SGK1: variants seen among roughly 807,000 people sequenced by gnomAD.
The protein encoded by SGK1 is serine/threonine-protein kinase Sgk1.
SGK1 carries 26 observed loss-of-function variants against 64.2 expected under a neutral mutation model. The ratio of observed to expected loss-of-function variants is 0.40; its 90% CI spans 0.30 to 0.56. The LOEUF (loss-of-function observed/expected upper bound fraction) is 0.56. Among genes scored for constraint, SGK1 ranks in the 20% least tolerant of loss-of-function variants. SGK1 has a pLI of 0.38. For missense variants in SGK1, 519 were observed against 645.6 expected (o/e 0.80, Z 2.12); for synonymous variants, 265 against 239.7 (o/e 1.11, Z -0.98).
At position 134,303,385 on chromosome 6, in the gene SGK1, C is replaced by G. The variant is rs1007996410; in HGVS notation, c.69+14007G>C. ...CCAGCCTGGGTGACAGAGCAAGACT[C>G]TGTCTCAAAAAGAAAAAAGAAAAAA... is the stretch of plus-strand genomic sequence containing the variant. On this transcript the variant is annotated intron_variant, in intron 1 of 13. Coordinates refer to ENST00000367858, the MANE Select transcript of SGK1 (RefSeq NM_001143676.3). 2.0e-5 allele frequency among the ~76,000 whole-genome samples: 3 copies of G among 151,772 alleles called. No individual in the cohort carries two copies. In the South Asian group the frequency reaches 6.2e-4, roughly 32 times the overall value.
At chr6:134,299,304 G>A (rs1044587623) in intron 1 of SGK1, among the ~76,000 whole-genome samples, 2 of 152,044 alleles carry the variant, frequency 1.3e-5, no homozygotes, top group African/African-American at 4.8e-5. Flanking sequence ...GGTCGAGGAT[G>A]CAGTGAGCTG....
At chr6:134,265,743 ACT>A (rs1378407488) in intron 1 of SGK1, among the ~76,000 whole-genome samples, 1 of 148,900 alleles carries the variant, frequency 6.7e-6, no homozygotes, top group Non-Finnish European at 1.5e-5. Context: ...TGTTTTTACA[ACT>A]CTTCGTACTT....
intron 3 of SGK1, among the ~76,000 whole-genome samples, chr6:134,196,412 G>C (rs1041163722): frequency 2.0e-5 from 3 of 152,040 alleles, no homozygotes; most frequent in Non-Finnish European, 4.4e-5. Context: ...CTGGGCAACA[G>C]AGTGAGACTC....
rs777230779 is a variant in SGK1, at chr6:134,177,806, G to C, written c.362-3220C>G. On this transcript the variant is annotated intron_variant, in intron 3 of 13. Coordinates refer to ENST00000367858, the MANE Select transcript of SGK1 (RefSeq NM_001143676.3). ...CCTGCTACATGCCTCTGATAAGCTG[G>C]AACTCTGAGATGACATGAGAGCACG... The C allele has an allele frequency of 7.4e-6, 12 of 1,613,176 alleles. No individual in the cohort carries two copies. The East Asian group carries it at 1.8e-4, about 24-fold the overall frequency.
At chr6:134,232,425 A>AAGAGAGAGAGAGAGAGAGAGAG (rs71003683) in intron 2 of SGK1, among the ~76,000 whole-genome samples, 1 of 41,976 alleles carries the variant, frequency 2.4e-5, no homozygotes, top group African/African-American at 9.1e-5. Flanking sequence ...GAAAGAAAGA[A>AAGAGAGAGAGAGAGAGAGAGAG]AGAAAGAAAG....
chr6:134,178,217 C>T (rs146295930), intron 3 of SGK1, among the ~76,000 whole-genome samples: 1 of 152,170 alleles, frequency 6.6e-6, no homozygotes, highest in African/African-American at 2.4e-5. Flanking sequence ...TGATGTGCTC[C>T]TTCCTCCCCT....
At chr6:134,183,843 T>TCCCCA (rs1302300486) in intron 3 of SGK1, among the ~76,000 whole-genome samples, 9 of 137,370 alleles carry the variant, frequency 6.6e-5, no homozygotes, top group African/African-American at 2.1e-4. Context: ...GAAGAACCTG[T>TCCCCA]CCCCACCCCA....
intron 2 of SGK1, among the ~76,000 whole-genome samples, chr6:134,252,616 C>CAA (rs11418007): frequency 0.12 from 7,995 of 65,308 alleles, 1,845 homozygotes; most frequent in Admixed American, 0.2. Context: ...GATTCCACCT[C>CAA]AAAAAAAAAA....
rs1230383960 is a variant in SGK1 at position 134,232,414 on chromosome 6, AGAAAGAAAG to A, written c.286-24992_286-24984del. Among the ~76,000 whole-genome samples the A allele has an allele frequency of 3.5e-4, 24 of 68,774 alleles. 1 individual carries two copies. Among genetic ancestry groups the A allele is most frequent in the East Asian group, 2.7e-3 (9 of 3,372 alleles). 45.1% of individuals were successfully genotyped at this position (68,774 alleles called of 152,430 possible). A position where few individuals can be genotyped will look rare whatever the true frequency, so the allele number is the denominator to read the frequency against. ...AAAGAAAGAAGAAAAAGAAAGAAAGAGAAAGAAAGAAAGAAAGAAAGAAAGAAAGAAAGA... is the reference window on the plus strand; with the variant it reads ...AAAGAAAGAAGAAAAAGAAAGAAAGAAAAGAAAGAAAGAAAGAAAGAAAGA... On this transcript the variant is annotated intron_variant, in intron 2 of 13. Transcript: ENST00000367858.
At chr6:134,294,557 T>C (rs1354555451) in intron 1 of SGK1, among the ~76,000 whole-genome samples, 1 of 152,210 alleles carries the variant, frequency 6.6e-6, no homozygotes, top group Non-Finnish European at 1.5e-5. Context: ...ATTTTTGAAA[T>C]GGAGGCTCAC....
At chr6:134,209,823 T>G (rs796373261) in intron 2 of SGK1, among the ~76,000 whole-genome samples, 5 of 152,304 alleles carry the variant, frequency 3.3e-5, no homozygotes, top group African/African-American at 1.2e-4. Context: ...ATTACAGACG[T>G]GCTCCACCAC....
chr6:134,208,752 A>C (rs551542748), intron 2 of SGK1, among the ~76,000 whole-genome samples: 17,236 of 107,328 alleles, frequency 0.16, 1,171 homozygotes, highest in African/African-American at 0.2. Context: ...ATGCGTATAT[A>C]TATATATACA....
intron 10 of SGK1, 70 bp from the exon 11 acceptor site, chr6:134,171,802 G>A (rs774055782): frequency 3.0e-5 from 31 of 1,018,932 alleles, no homozygotes; most frequent in Non-Finnish European, 4.5e-5. Context: ...CACACATTTA[G>A]TTTGAAAAAG....
At chr6:134,288,453 T>G (rs1777217322) in intron 1 of SGK1, among the ~76,000 whole-genome samples, 2 of 152,202 alleles carry the variant, frequency 1.3e-5, no homozygotes, top group South Asian at 4.1e-4. Context: ...TGTTTAAAAC[T>G]AAACATCTTT....
At chr6:134,171,358 T>G (rs9493846) in intron 11 of SGK1, 180 bp from the exon 12 acceptor site, 73 of 623,308 alleles carry the variant, frequency 1.2e-4, no homozygotes, top group East Asian at 4.2e-4. Flanking sequence ...GTGTGTGTGT[T>G]TGTGTGTGTG....
intron 1 of SGK1, among the ~76,000 whole-genome samples, chr6:134,282,038 T>C (rs1192502260): frequency 6.6e-6 from 1 of 152,278 alleles, no homozygotes; most frequent in African/African-American, 2.4e-5. Flanking sequence ...AAATGTATAA[T>C]CCATTCTCTG....
chr6:134,317,766 G>A lies in SGK1; in HGVS notation c.-306C>T. ...TACGGCCAATCTCCGGGGAGATGCT[G>A]TGGCTCTTACCGAGCGGGAGAAGGG... On this transcript the variant is annotated 5_prime_UTR_variant, in exon 1 of 14. Coordinates refer to ENST00000367858, the MANE Select transcript of SGK1 (RefSeq NM_001143676.3). 1 of 315,988 alleles carries A rather than the reference G, an allele frequency of 3.2e-6. No individual in the cohort carries two copies. Among genetic ancestry groups the A allele is most frequent in the Non-Finnish European group, 5.8e-6 (1 of 171,850 alleles). 19.6% of individuals were successfully genotyped at this position (315,988 alleles called of 1,614,324 possible).
chr6:134,304,713 G>A (rs1020751124), intron 1 of SGK1, among the ~76,000 whole-genome samples: 9 of 151,544 alleles, frequency 5.9e-5, no homozygotes, highest in Non-Finnish European at 8.8e-5. Flanking sequence ...GAGAGAGAGA[G>A]AGAGAAAGAG....
chr6:134,243,108 A>G (rs1205686930), intron 2 of SGK1, among the ~76,000 whole-genome samples: 1 of 151,998 alleles, frequency 6.6e-6, no homozygotes, highest in Non-Finnish European at 1.5e-5. Flanking sequence ...ATACTTTAAA[A>G]TTTTGTCAAT....
Sources: gnomAD v4.1 joint callset for allele counts (sites outside exome capture counted in the v4.1 genomes callset) on GRCh38, gnomAD v4.1.1 for gene constraint, MANE v1.5 for transcripts, NCBI Gene and HGNC (gene_info 2026-07-23, HGNC 2026-07-21) for gene names.